ANKS1A: variants seen among roughly 807,000 people sequenced by gnomAD.
ANKS1A encodes ankyrin repeat and SAM domain-containing protein 1A.
ANKS1A carries 55 observed loss-of-function variants against 120.3 expected under a neutral mutation model. The observed-to-expected ratio is 0.46, with a 90% CI of 0.37 to 0.57. The LOEUF is 0.57. Ranked by LOEUF, ANKS1A falls within the 20% of genes least tolerant of loss-of-function variation. The pLI, the probability that ANKS1A is intolerant of heterozygous loss-of-function variation, is 0.00. For synonymous variants in ANKS1A, 590 were observed against 604.7 expected, an observed-to-expected ratio of 0.98 and a Z score of 0.36; for missense variants, 1,123 against 1,480.3, an observed-to-expected ratio of 0.76 and a Z score of 3.96.
intron 1 of ANKS1A, among the ~76,000 whole-genome samples, chr6:34,951,525 A>C (rs1474823890): frequency 6.6e-6 from 1 of 152,200 alleles, no homozygotes; most frequent in South Asian, 2.1e-4. Context: ...TATAAACCAC[A>C]TGTGGAATAC....
In ANKS1A at chr6:35,083,593, G is replaced by C. The variant is rs912863439; in HGVS notation, c.2994+90G>C. 1.3e-5 allele frequency: 16 copies of C among 1,244,058 alleles called. No homozygotes were observed. The African/African-American group carries it at 2.4e-4, about 19-fold the overall frequency. 77.1% of individuals were successfully genotyped at this position (1,244,058 alleles called of 1,614,324 possible). On this transcript the variant is annotated intron_variant, in intron 20 of 23. Transcript: ENST00000360359. ...CCAGGGCAAGCAACCCGGCTGCCCTGTCTCATCTCTTATCTCCCTAGAGGG... is the reference window on the plus strand; with the variant it reads ...CCAGGGCAAGCAACCCGGCTGCCCTCTCTCATCTCTTATCTCCCTAGAGGG...
intron 1 of ANKS1A, among the ~76,000 whole-genome samples, chr6:34,928,454 A>G (rs1768822542): frequency 6.6e-6 from 1 of 152,222 alleles, no homozygotes; most frequent in Non-Finnish European, 1.5e-5. Flanking sequence ...ACTCCCAAGT[A>G]AAAGCATTAT....
At chr6:35,083,037 G>T in intron 18 of ANKS1A, 118 bp from the exon 19 acceptor site, 1 of 1,355,960 alleles carries the variant, frequency 7.4e-7, no homozygotes, top group East Asian at 2.4e-5. Flanking sequence ...GGGCAGGAGA[G>T]GGGGTGTTGT....
Position 35,057,342 on chromosome 6 carries a change from C to T in ANKS1A, c.2078-2805C>T, listed in dbSNP as rs1253507733. Among the ~76,000 whole-genome samples, 2 of 152,128 alleles carry T rather than the reference C, an allele frequency of 1.3e-5. No homozygotes were observed. Among genetic ancestry groups the T allele is most frequent in the African/African-American group, 4.8e-5 (2 of 41,428 alleles). ...CCACTCTGGCTCTGTCAACAAAGGC[C>T]TTCTCCGTCAAGCAGAAGGGAACTT... On this transcript the variant is annotated intron_variant, in intron 12 of 23. Transcript: ENST00000360359. The surrounding 1 kb of genome is among the most constrained non-coding windows in gnomAD (Gnocchi z 4.1).
intron 1 of ANKS1A, among the ~76,000 whole-genome samples, chr6:34,955,251 C>T (rs1413193961): frequency 1.3e-5 from 2 of 151,964 alleles, no homozygotes; most frequent in African/African-American, 4.8e-5. Flanking sequence ...ATTCTCCTGC[C>T]TCAGCCCCCC....
In ANKS1A at chr6:35,086,406, C is replaced by CCGAAGTGA. The variant is rs1363972705; in HGVS notation, c.3303+472_3303+479dup. On this transcript the variant is annotated intron_variant, in intron 22 of 23. Coordinates refer to ENST00000360359, the MANE Select transcript of ANKS1A (RefSeq NM_015245.3). This position sits in a 1 kb window ranked among gnomAD's most constrained non-coding sequence, Gnocchi z 5.1. Reference sequence around the variant, plus strand: ...CCTGCTGTCTTGTGTGTCAGTCTCCCCGAAGTGACCGTGAGCGCTCTTAGC... The same window carrying CCGAAGTGA: ...CCTGCTGTCTTGTGTGTCAGTCTCCCCGAAGTGACGAAGTGACCGTGAGCGCTCTTAGC... The CCGAAGTGA allele has an allele frequency of 1.6e-6, 2 of 1,271,130 alleles. No homozygotes were observed. The highest frequency in any genetic ancestry group is 2.1e-6 in the Non-Finnish European group (2 of 971,130). 78.7% of individuals were successfully genotyped at this position (1,271,130 alleles called of 1,614,324 possible). A position where few individuals can be genotyped will look rare whatever the true frequency, so the allele number is the denominator to read the frequency against.
chr6:34,954,513 C>T (rs1026032955), intron 1 of ANKS1A, among the ~76,000 whole-genome samples: 1 of 152,170 alleles, frequency 6.6e-6, no homozygotes, highest in African/African-American at 2.4e-5. Flanking sequence ...GAACTCCTTG[C>T]TGGCTTTGTG....
intron 3 of ANKS1A, among the ~76,000 whole-genome samples, chr6:34,977,965 CTT>C (rs552179165): frequency 6.9e-6 from 1 of 145,762 alleles, no homozygotes. Context: ...TTCTTTCTTC[CTT>C]TTTTTTTTTG....
rs575663805 is a variant in ANKS1A at position 35,032,500 on chromosome 6, TC to T, written c.2010+14445del. Among the ~76,000 whole-genome samples, 21 of 152,244 alleles carry T rather than the reference TC, an allele frequency of 1.4e-4. No homozygotes were observed. In the South Asian group the frequency reaches 4.2e-3, roughly 30 times the overall value. ...AGTTCATTTTTACAAGCCCTGCGGC[TC>T]CCCAGCCCCAAACGGGTGCATAGAA... On this transcript the variant is annotated intron_variant, in intron 11 of 23. Transcript: ENST00000360359.
At chr6:34,978,932 GTCGCCCAGGCTGGAGTGCAGTGGCGCAA>G (rs1771754596) in intron 3 of ANKS1A, among the ~76,000 whole-genome samples, 1 of 151,194 alleles carries the variant, frequency 6.6e-6, no homozygotes, top group African/African-American at 2.4e-5. Flanking sequence ...GTCTTGTTCT[GTCGCCCAGGCTGGAGTGCAGTGGCGCAA>G]TCTCGGCTCA....
rs755634013 is a variant in ANKS1A at position 35,081,165 on chromosome 6, CA to C, written c.2709+8del. 1.6e-4 allele frequency: 264 copies of C among 1,604,018 alleles called. No homozygotes were observed. Among genetic ancestry groups the C allele is most frequent in the Admixed American group, 2.9e-4 (17 of 59,596 alleles). On this transcript the variant is annotated splice_region_variant and intron_variant, in intron 17 of 23. Coordinates refer to ENST00000360359, the MANE Select transcript of ANKS1A (RefSeq NM_015245.3). ...GGAGCGCTTCAGGATCCAGGTGGGG[CA>C]GGGGGAGTGGAGGTGCAGCCAGGCT...
rs1019406322 is a variant in ANKS1A at position 35,089,622 on chromosome 6, C to T, written c.*1013C>T. The T allele has an allele frequency of 6.4e-5, 63 of 986,718 alleles. No homozygotes were observed. Among genetic ancestry groups the T allele is most frequent in the Middle Eastern group, 5.2e-4 (1 of 1,940 alleles). 61.1% of individuals were successfully genotyped at this position (986,718 alleles called of 1,614,324 possible). A position where few individuals can be genotyped will look rare whatever the true frequency, so the allele number is the denominator to read the frequency against. On this transcript the variant is annotated 3_prime_UTR_variant, in exon 24 of 24. Coordinates refer to ENST00000360359, the MANE Select transcript of ANKS1A (RefSeq NM_015245.3). ...GGCTGCTGGGCCCATCCCTGGCCCC[C>T]GGTGTGGAAAAGGCTAAATAAGGTG...
At chr6:35,064,588 T>C (rs1380098140) in intron 13 of ANKS1A, among the ~76,000 whole-genome samples, 1 of 152,230 alleles carries the variant, frequency 6.6e-6, no homozygotes, top group East Asian at 1.9e-4. Context: ...GCTCCCTTCC[T>C]GTTCCTGTCC....
chr6:34,957,174 T>C (rs530959901), intron 1 of ANKS1A, among the ~76,000 whole-genome samples: 1 of 152,248 alleles, frequency 6.6e-6, no homozygotes, highest in Admixed American at 6.5e-5. Flanking sequence ...ACTCTGTTTT[T>C]AATGGGGTTC....
intron 1 of ANKS1A, among the ~76,000 whole-genome samples, chr6:34,944,803 G>A (rs907530603): frequency 1.3e-5 from 2 of 152,184 alleles, no homozygotes; most frequent in South Asian, 2.1e-4. Flanking sequence ...TCAAGGGTCA[G>A]CTGTATTTTG....
At chr6:34,937,756 A>G (rs1036272703) in intron 1 of ANKS1A, among the ~76,000 whole-genome samples, 1 of 152,230 alleles carries the variant, frequency 6.6e-6, no homozygotes, top group African/African-American at 2.4e-5. Flanking sequence ...CCTCATCTCA[A>G]GATTGAAGGA....
At chr6:34,895,834 G>A (rs567698533) in intron 1 of ANKS1A, among the ~76,000 whole-genome samples, 2 of 122,464 alleles carry the variant, frequency 1.6e-5, no homozygotes, top group South Asian at 5.5e-4. Context: ...CTCTCGCCCA[G>A]GCTGGAGTGC....
Position 35,088,799 on chromosome 6 carries a change from G to T in ANKS1A, c.*190G>T. On this transcript the variant is annotated 3_prime_UTR_variant, in exon 24 of 24. Coordinates refer to ENST00000360359, the MANE Select transcript of ANKS1A (RefSeq NM_015245.3). ...CTGCAGAACGAGCCCTGCCTTGGCT[G>T]TGGAGAAGCACTCCAGGCCGCTAGC... 6.6e-7 allele frequency: 1 copy of T among 1,506,912 alleles called. No homozygotes were observed. Among genetic ancestry groups the T allele is most frequent in the Non-Finnish European group, 8.9e-7 (1 of 1,128,992 alleles). 93.3% of individuals were successfully genotyped at this position (1,506,912 alleles called of 1,614,324 possible). A position where few individuals can be genotyped will look rare whatever the true frequency, so the allele number is the denominator to read the frequency against.
chr6:34,943,879 C>T, intron 1 of ANKS1A, among the ~76,000 whole-genome samples: 1 of 152,208 alleles, frequency 6.6e-6, no homozygotes, highest in East Asian at 1.9e-4. Context: ...AGTTTTGGTG[C>T]AGACATAAGC....
Sources: gnomAD v4.1 joint callset for allele counts (sites outside exome capture counted in the v4.1 genomes callset) on GRCh38, gnomAD v4.1.1 for gene constraint, Gnocchi (gnomAD v3.1) non-coding constraint, MANE v1.5 for transcripts, NCBI Gene and HGNC (gene_info 2026-07-23, HGNC 2026-07-21) for gene names.